Variants in FRMD4A observed in about 807,000 individuals in gnomAD.
The protein encoded by FRMD4A is FERM domain-containing protein 4A.
A neutral mutation model predicts 129.1 loss-of-function variants in FRMD4A; 29 were observed. That is an observed-to-expected ratio of 0.22 (90% CI 0.17 to 0.31). The LOEUF is 0.31. Among genes scored for constraint, FRMD4A ranks in the 10% least tolerant of loss-of-function variants. The pLI is 1.00. For synonymous variants in FRMD4A, 634 were observed against 571.6 expected, an observed-to-expected ratio of 1.11 and a Z score of -1.56; for missense variants, 1,272 against 1,375.8, an observed-to-expected ratio of 0.92 and a Z score of 1.19.
intron 2 of FRMD4A, among the ~76,000 whole-genome samples, chr10:14,219,188 T>C (rs1033240148): frequency 2.0e-5 from 3 of 151,932 alleles, no homozygotes; most frequent in Admixed American, 2.0e-4. Context: ...GTGTTTCCAG[T>C]TTGTTTTGCA....
chr10:14,328,365 TGG>T (rs1391292718), intron 2 of FRMD4A, among the ~76,000 whole-genome samples: 7 of 9,458 alleles, frequency 7.4e-4, no homozygotes, highest in East Asian at 5.3e-3. Flanking sequence ...TGTGTGTGTG[TGG>T]GTGGGGGGGG....
chr10:14,047,112 G>A (rs1372351027), intron 2 of FRMD4A, among the ~76,000 whole-genome samples: 1 of 152,168 alleles, frequency 6.6e-6, no homozygotes, highest in Admixed American at 6.6e-5. Context: ...TGACTCTTGT[G>A]CCACGATGGC....
chr10:13,970,461 C>A (rs2095511076), intron 2 of FRMD4A, among the ~76,000 whole-genome samples: 2 of 152,228 alleles, frequency 1.3e-5, no homozygotes, highest in South Asian at 4.2e-4. Flanking sequence ...GGTGGTTTAG[C>A]CAGTGCGTTT....
At chr10:13,679,141 T>C (rs997493308) in intron 15 of FRMD4A, among the ~76,000 whole-genome samples, 1 of 151,798 alleles carries the variant, frequency 6.6e-6, no homozygotes, top group African/African-American at 2.4e-5. Flanking sequence ...CATAGTGTTA[T>C]GGCTGGGCGC....
intron 2 of FRMD4A, among the ~76,000 whole-genome samples, chr10:14,166,231 A>G (rs1017965733): frequency 2.0e-5 from 3 of 150,836 alleles, no homozygotes; most frequent in Non-Finnish European, 4.4e-5. Context: ...GTTATAATAT[A>G]TTAAGTTTCA....
rs66980805 is a variant in FRMD4A at position 13,925,566 on chromosome 10, C to CTTTTTTTTTTTTTTTTTTTTTTTT, written c.46-66678_46-66655dup. Among the ~76,000 whole-genome samples, 6 of 61,948 alleles carry CTTTTTTTTTTTTTTTTTTTTTTTT rather than the reference C, an allele frequency of 9.7e-5. 1 individual carries two copies. The highest frequency in any genetic ancestry group is 2.6e-4 in the Admixed American group (1 of 3,810). 40.6% of individuals were successfully genotyped at this position (61,948 alleles called of 152,430 possible). On this transcript the variant is annotated intron_variant, in intron 2 of 24. Coordinates refer to ENST00000357447, the MANE Select transcript of FRMD4A (RefSeq NM_018027.5). ...TGAAAGTTTCTATTGTAGTGAAACG[C>CTTTTTTTTTTTTTTTTTTTTTTTT]TTTTTTTTTTTTTTTTTTTTTTTTT... is the stretch of plus-strand genomic sequence containing the variant.
At chr10:13,695,163 G>C (rs77844072) in intron 14 of FRMD4A, among the ~76,000 whole-genome samples, 1 of 142,038 alleles carries the variant, frequency 7.0e-6, no homozygotes, top group Admixed American at 7.0e-5. Flanking sequence ...TTTTTTTTTT[G>C]AGACAGAGTC....
chr10:14,211,457 A>G (rs927791868), intron 2 of FRMD4A, among the ~76,000 whole-genome samples: 5 of 152,210 alleles, frequency 3.3e-5, no homozygotes, highest in Non-Finnish European at 4.4e-5. Context: ...ACGCATCACT[A>G]TTGCATGGAC....
chr10:13,927,031 A>T (rs1166548529), intron 2 of FRMD4A, among the ~76,000 whole-genome samples: 1 of 152,182 alleles, frequency 6.6e-6, no homozygotes, highest in East Asian at 1.9e-4. Flanking sequence ...AGGCGGGCAG[A>T]TCACTTGAGG....
chr10:14,247,247 A>T (rs1844275284), intron 2 of FRMD4A, among the ~76,000 whole-genome samples: 1 of 150,658 alleles, frequency 6.6e-6, no homozygotes, highest in Admixed American at 6.6e-5. Flanking sequence ...GGTGGAAGTC[A>T]GTTTGCCATC....
At chr10:14,171,912 A>G (rs1264736058) in intron 2 of FRMD4A, among the ~76,000 whole-genome samples, 1 of 152,230 alleles carries the variant, frequency 6.6e-6, no homozygotes, top group African/African-American at 2.4e-5. Context: ...GCATAATGTG[A>G]TCAAAGTTTA....
chr10:13,818,837 C>T (rs2093586230), intron 3 of FRMD4A, among the ~76,000 whole-genome samples: 1 of 152,088 alleles, frequency 6.6e-6, no homozygotes, highest in Non-Finnish European at 1.5e-5. Flanking sequence ...TAAAAAATTC[C>T]ATGTATGGCC....
intron 2 of FRMD4A, among the ~76,000 whole-genome samples, chr10:13,941,802 T>C (rs181274593): frequency 2.6e-4 from 40 of 152,322 alleles, no homozygotes; most frequent in Admixed American, 1.2e-3. Flanking sequence ...CATGGATCTC[T>C]GAATTTTGCA....
chr10:13,777,344 A>AAAATTTAAAAAT (rs71388117), intron 6 of FRMD4A, among the ~76,000 whole-genome samples: 103,563 of 151,774 alleles, frequency 0.68, 35,855 homozygotes, highest in East Asian at 0.95. Flanking sequence ...GTATATATAA[A>AAAATTTAAAAAT]AAATTTAAAT....
chr10:14,185,479 A>T (rs771762134), intron 2 of FRMD4A, among the ~76,000 whole-genome samples: 8 of 152,212 alleles, frequency 5.3e-5, no homozygotes, highest in Non-Finnish European at 7.3e-5. Context: ...ACATTACAAC[A>T]TTTTGTAATT....
intron 12 of FRMD4A, among the ~76,000 whole-genome samples, chr10:13,720,158 C>G (rs535122702): frequency 6.6e-6 from 1 of 152,316 alleles, no homozygotes; most frequent in African/African-American, 2.4e-5. Flanking sequence ...AAGCAATTCT[C>G]CTGCCTCAGC....
chr10:14,278,194 A>G (rs1333357474), intron 2 of FRMD4A, among the ~76,000 whole-genome samples: 1 of 152,202 alleles, frequency 6.6e-6, no homozygotes. Context: ...CAGGTCACTC[A>G]GTAACTGAGT....
chr10:13,990,440 C>T (rs567918394), intron 2 of FRMD4A, among the ~76,000 whole-genome samples: 110 of 152,180 alleles, frequency 7.2e-4, no homozygotes, highest in African/African-American at 2.5e-3. Flanking sequence ...GTCTGTTGGG[C>T]GGGTATGCTT....
Position 13,696,029 on chromosome 10 carries a change from T to TTCCTCC in FRMD4A, c.976-1996_976-1991dup, listed in dbSNP as rs759510838. Among the ~76,000 whole-genome samples the TTCCTCC allele has an allele frequency of 1.8e-3, 281 of 152,232 alleles. 1 individual carries two copies. The highest frequency in any genetic ancestry group is 6.3e-3 in the African/African-American group (262 of 41,544). ...TTTTCTTCACCTGGTGTGAATTGTCTTCCTCCTCCTCCTCCTCCCTACCCC... is the reference window on the plus strand; with the variant it reads ...TTTTCTTCACCTGGTGTGAATTGTCTTCCTCCTCCTCCTCCTCCTCCTCCCTACCCC... On this transcript the variant is annotated intron_variant, in intron 14 of 24. Transcript: ENST00000357447.
Sources: allele counts gnomAD v4.1 joint callset (sites outside exome capture counted in the v4.1 genomes callset), GRCh38; gene constraint gnomAD v4.1.1; transcripts MANE v1.5; gene names NCBI Gene and HGNC (gene_info 2026-07-23, HGNC 2026-07-21).